The following CLCNKA variants were observed in gnomAD, a reference collection of about 807,000 sequenced individuals.
CLCNKA encodes chloride voltage-gated channel Ka.
A neutral mutation model predicts 83.3 loss-of-function variants in CLCNKA; 66 were observed. The ratio of observed to expected loss-of-function variants is 0.79; its 90% CI spans 0.65 to 0.97. CLCNKA has a LOEUF of 0.97. Among genes scored for constraint, CLCNKA ranks in the 50% least tolerant of loss-of-function variants. CLCNKA has a pLI of 0.00. For synonymous variants in CLCNKA, 357 were observed against 370.4 expected (o/e 0.96, Z 0.42); for missense variants, 806 against 888.7 (o/e 0.91, Z 1.18).
intron 9 of CLCNKA, 40 bp from the exon 10 acceptor site, chr1:16,027,978 C>T (rs1184798643): frequency 4.3e-6 from 7 of 1,614,088 alleles, no homozygotes; most frequent in East Asian, 2.2e-5. Context: ...GCCCCTGGTA[C>T]TGGGGTCAGG....
rs368818845 is a variant in CLCNKA, at chr1:16,022,613, G to A, written c.-7G>A. On this transcript the variant is annotated splice_region_variant and 5_prime_UTR_variant, in exon 2 of 20. Coordinates refer to ENST00000331433, the MANE Select transcript of CLCNKA (RefSeq NM_004070.4). ...TCCTTCCCTCCATCTGCTTCTCCAGGGGCCTGATGGAGGAGTTGGTGGGGC... is the reference window on the plus strand; with the variant it reads ...TCCTTCCCTCCATCTGCTTCTCCAGAGGCCTGATGGAGGAGTTGGTGGGGC... 2.0e-5 allele frequency: 31 copies of A among 1,558,836 alleles called. No homozygotes were observed. In the African/African-American group the frequency reaches 3.2e-4, roughly 16 times the overall value.
rs145153887 is a variant in CLCNKA, at chr1:16,024,776, G to C, written c.243G>C (p.Leu81=). The change falls in exon 4 of 20, where the codon CTG becomes CTC. Residue 81 remains leucine, a synonymous_variant. Transcript: ENST00000331433. ...IGCVVRAHQW[L]YREIGDSHLL... is the part of the protein sequence containing the mutation. ...GGCTGTCCCCAGCACACCAGTGGCT[G>C]TACAGGGAGATTGGGGACAGCCACC... 1.9e-6 allele frequency: 3 copies of C among 1,614,090 alleles called. No individual in the cohort carries two copies. The highest frequency in any genetic ancestry group is 2.5e-6 in the Non-Finnish European group (3 of 1,180,018).
rs756578153 is a variant in CLCNKA, at chr1:16,022,599, A to G, written c.-7-14A>G. ...GCAGCTCACCCGGGTCCTTCCCTCC[A>G]TCTGCTTCTCCAGGGGCCTGATGGA... On this transcript the variant is annotated splice_polypyrimidine_tract_variant and intron_variant, in intron 1 of 19. Transcript: ENST00000331433. 6.5e-7 allele frequency: 1 copy of G among 1,546,002 alleles called. No homozygotes were observed. Among genetic ancestry groups the G allele is most frequent in the East Asian group, 2.4e-5 (1 of 41,588 alleles).
chr1:16,031,690 G>C lies in CLCNKA; in HGVS notation c.1623-20G>C. 6.2e-7 allele frequency: 1 copy of C among 1,613,476 alleles called. No homozygotes were observed. The highest frequency in any genetic ancestry group is 2.2e-5 in the East Asian group (1 of 44,884). On this transcript the variant is annotated intron_variant, in intron 15 of 19. Coordinates refer to ENST00000331433, the MANE Select transcript of CLCNKA (RefSeq NM_004070.4). ...GACATCCCCGACTCCGGGACCTGAT[G>C]GGAGCCCCTCTGCCTGCAGCTCCCA...
In CLCNKA at chr1:16,022,568, C is replaced by T. The variant is rs141977324; in HGVS notation, c.-7-45C>T. ...GAAGGGCCCAGAGGCAGCGCGAGGACGTGCAGCAGCTCACCCGGGTCCTTC... is the reference window on the plus strand; with the variant it reads ...GAAGGGCCCAGAGGCAGCGCGAGGATGTGCAGCAGCTCACCCGGGTCCTTC... On this transcript the variant is annotated intron_variant, in intron 1 of 19. Coordinates refer to ENST00000331433, the MANE Select transcript of CLCNKA (RefSeq NM_004070.4). The T allele has an allele frequency of 2.6e-3, 3,708 of 1,426,816 alleles. 6 individuals carry two copies. The highest frequency in any genetic ancestry group is 3.7e-3 in the Middle Eastern group (18 of 4,928). The allele number at this position is 1,426,816 out of a possible 1,614,324, so 88.4% of individuals were successfully genotyped here. A position where few individuals can be genotyped will look rare whatever the true frequency, so the allele number is the denominator to read the frequency against.
chr1:16,033,254 G>A lies in CLCNKA; in HGVS notation c.2014G>A (p.Glu672Lys), dbSNP rs1243406056. ...AGCTGTGGGCTGCGTGTCCTGGGTGGAGGTACCAGGGTCCCGGGGGCAGAG... is the reference window on the plus strand; with the variant it reads ...AGCTGTGGGCTGCGTGTCCTGGGTGAAGGTACCAGGGTCCCGGGGGCAGAG... ...GRAVGCVSWV[E>K]MKKAISNLTN... The change falls in exon 19 of 20, where the codon GAG becomes AAG. Residue 672 changes from glutamate (E) to lysine (K), a missense_variant and splice_region_variant. Physicochemically the swap from Glu to Lys is moderately conservative, Grantham distance 56 (BLOSUM62 1). Transcript: ENST00000331433. 3 of 1,614,068 alleles carry A rather than the reference G, an allele frequency of 1.9e-6. No homozygotes were observed. Among genetic ancestry groups the A allele is most frequent in the Non-Finnish European group, 2.5e-6 (3 of 1,179,986 alleles).
At chr1:16,031,579 A>G (rs1185366263) in intron 15 of CLCNKA, 131 bp from the exon 16 acceptor site, 2 of 1,330,450 alleles carry the variant, frequency 1.5e-6, no homozygotes, top group African/African-American at 1.4e-5. Flanking sequence ...CATTCCAGGA[A>G]CCTCTCCAGC....
At position 16,022,665 on chromosome 1, in the gene CLCNKA, G is replaced by A. The variant is rs751149125; in HGVS notation, c.46G>A (p.Val16Met). The A allele has an allele frequency of 2.6e-6, 4 of 1,567,966 alleles. No homozygotes were observed. The African/African-American group carries it at 5.4e-5, about 21-fold the overall frequency. Reference sequence around the variant, plus strand: ...GCGTGAGGGCTTCTCAGGGGACCCTGTGACTCTGCAGGAGCTGTGGGGCCC... The same window carrying A: ...GCGTGAGGGCTTCTCAGGGGACCCTATGACTCTGCAGGAGCTGTGGGGCCC... The part of the protein sequence containing the change: ...GLREGFSGDP[V>M]TLQELWGPCP... Residue 16 changes from valine (V) to methionine (M), a missense_variant, in exon 2 of 20, where the codon GTG (valine) becomes ATG (methionine). Physicochemically the swap from Val to Met is conservative, Grantham distance 21. Transcript: ENST00000331433.
chr1:16,022,794 T>C, intron 2 of CLCNKA, 75 bp downstream of exon 2: 1 of 1,086,016 alleles, frequency 9.2e-7, no homozygotes, highest in Non-Finnish European at 1.3e-6. Context: ...CCACCCCACC[T>C]CTCTGCCCAG....
chr1:16,029,393 C>G, intron 12 of CLCNKA, 94 bp downstream of exon 12: 2 of 1,570,308 alleles, frequency 1.3e-6, no homozygotes, highest in South Asian at 1.1e-5. Context: ...GCATGGAGCC[C>G]AGGCCTCTCA....
At chr1:16,028,923 C>G in intron 11 of CLCNKA, 78 bp downstream of exon 11, 2 of 1,551,198 alleles carry the variant, frequency 1.3e-6, no homozygotes, top group Non-Finnish European at 1.8e-6. Flanking sequence ...CACGTAATAC[C>G]CTCAGCACCC....
intron 5 of CLCNKA, 140 bp downstream of exon 5, chr1:16,026,387 CCAGG>C: frequency 2.1e-6 from 3 of 1,453,394 alleles, no homozygotes; most frequent in Non-Finnish European, 2.8e-6. Flanking sequence ...AGGGGAAGAG[CCAGG>C]CCAGGTCCCC....
chr1:16,023,286 G>A (rs1192490050), intron 2 of CLCNKA, among the ~76,000 whole-genome samples: 1 of 152,216 alleles, frequency 6.6e-6, no homozygotes, highest in Non-Finnish European at 1.5e-5. Context: ...GGCGCCACAG[G>A]CCCTGGGACA....
At chr1:16,028,728 G>T (rs769050300) in intron 10 of CLCNKA, 33 bp from the exon 11 acceptor site, 68 of 1,612,348 alleles carry the variant, frequency 4.2e-5, no homozygotes, top group Non-Finnish European at 5.5e-5. Context: ...AGGAAAGGGA[G>T]GGCCAGCCCT....
At position 16,028,675 on chromosome 1, in the gene CLCNKA, G is replaced by A. The variant is rs754689295; in HGVS notation, c.969-86G>A. 8 of 1,530,842 alleles carry A rather than the reference G, an allele frequency of 5.2e-6. No individual in the cohort carries two copies. The African/African-American group carries it at 9.5e-5, about 18-fold the overall frequency. The allele number at this position is 1,530,842 out of a possible 1,614,324, so 94.8% of individuals were successfully genotyped here. ...TATCAGCCCCCAGGTGGGGAGCTCT[G>A]CTGCTGCCTGGACCAGGTCCTACTT... On this transcript the variant is annotated intron_variant, in intron 10 of 19. Coordinates refer to ENST00000331433, the MANE Select transcript of CLCNKA (RefSeq NM_004070.4).
intron 13 of CLCNKA, 60 bp from the exon 14 acceptor site, chr1:16,029,905 G>A (rs1284896609): frequency 1.3e-5 from 20 of 1,599,578 alleles, no homozygotes; most frequent in Non-Finnish European, 1.6e-5. Flanking sequence ...GGTCCTCAGG[G>A]ATGGAGGGCT....
In CLCNKA at chr1:16,030,485, TGA is replaced by T. The variant is rs1221169581; in HGVS notation, c.1434_1435del (p.Thr479ProfsTer11). ...GGGGCTGCAGCCTTCTCAGGGGCTGTGACCCACACCATCTCCACGGCGCTGCT... is the reference window on the plus strand; with the variant it reads ...GGGGCTGCAGCCTTCTCAGGGGCTGTCCCACACCATCTCCACGGCGCTGCT... On this transcript the variant is annotated frameshift_variant, in exon 15 of 20. Transcript: ENST00000331433. LOFTEE classifies it high-confidence loss of function. 2.5e-6 allele frequency: 4 copies of T among 1,612,856 alleles called. No individual in the cohort carries two copies. The highest frequency in any genetic ancestry group is 3.4e-6 in the Non-Finnish European group (4 of 1,179,976).
intron 1 of CLCNKA, 109 bp downstream of exon 1, chr1:16,022,172 G>A (rs757596681): frequency 6.5e-6 from 1 of 154,538 alleles, no homozygotes; most frequent in African/African-American, 2.4e-5. Flanking sequence ...GCTTTGCAGA[G>A]GCCTTCTGGT....
At position 16,024,902 on chromosome 1, in the gene CLCNKA, G is replaced by T; in HGVS notation, c.358+11G>T. The T allele has an allele frequency of 6.2e-7, 1 of 1,614,014 alleles. No individual in the cohort carries two copies. The highest frequency in any genetic ancestry group is 8.5e-7 in the Non-Finnish European group (1 of 1,179,994). On this transcript the variant is annotated intron_variant, in intron 4 of 19. Coordinates refer to ENST00000331433, the MANE Select transcript of CLCNKA (RefSeq NM_004070.4). ...CGCCCTCCTCTGGAGGTGAGTCCAC[G>T]GTCGCCATGCCAGTCCCCAGTGCCA...
Sources: allele counts gnomAD v4.1 joint callset (sites outside exome capture counted in the v4.1 genomes callset), GRCh38; gene constraint gnomAD v4.1.1; transcripts MANE v1.5; gene names NCBI Gene and HGNC (gene_info 2026-07-23, HGNC 2026-07-21).